SPINK6: variants seen among roughly 807,000 people sequenced by gnomAD.
SPINK6 encodes the protein serine peptidase inhibitor Kazal type 6.
In SPINK6, 13 loss-of-function variants were observed where a neutral mutation model predicts 11.7. That is an observed-to-expected ratio of 1.11 (90% CI 0.72 to 1.76). The LOEUF is 1.76. SPINK6 is among the 40% of genes most tolerant of loss of function. The probability of loss-of-function intolerance (pLI) is 0.00; values close to 1 mark genes in which losing one functional copy is unlikely to be tolerated. For synonymous variants in SPINK6, 21 were observed against 31.9 expected (o/e 0.66, Z 1.15); for missense variants, 98 against 93.7 (o/e 1.05, Z -0.19).
At chr5:148,210,208 T>G (rs1350873844) in intron 2 of SPINK6, among the ~76,000 whole-genome samples, 3 of 107,978 alleles carry the variant, frequency 2.8e-5, no homozygotes, top group Non-Finnish European at 6.6e-5. Context: ...GCATATGTAT[T>G]TCTGCATGCA....
intron 1 of SPINK6, among the ~76,000 whole-genome samples, chr5:148,205,359 G>A: frequency 6.6e-6 from 1 of 152,008 alleles, no homozygotes; most frequent in Non-Finnish European, 1.5e-5. Context: ...TTAAACCACT[G>A]AACTAATTAG....
chr5:148,206,889 A>T (rs1755506079), intron 2 of SPINK6, among the ~76,000 whole-genome samples: 1 of 152,232 alleles, frequency 6.6e-6, no homozygotes, highest in Non-Finnish European at 1.5e-5. Flanking sequence ...ACTACTGCTA[A>T]CTAATTGGAG....
At position 148,209,969 on chromosome 5, in the gene SPINK6, T is replaced by TTACGTATGTATGTATACATACAC. The variant is rs1755550498; in HGVS notation, c.81+3911_81+3912insTACGTATGTATGTATACATACAC. 1.6e-5 allele frequency among the ~76,000 whole-genome samples: 2 copies of TTACGTATGTATGTATACATACAC among 126,610 alleles called. 1 individual carries two copies. Among genetic ancestry groups the TTACGTATGTATGTATACATACAC allele is most frequent in the Non-Finnish European group, 3.5e-5 (2 of 57,576 alleles). 83.1% of individuals were successfully genotyped at this position (126,610 alleles called of 152,430 possible). ...GGTTTCATATATATGTATACATACA[T>TTACGTATGTATGTATACATACAC]ACGTACGTATGTATGTATACATATA... On this transcript the variant is annotated intron_variant, in intron 2 of 3. Transcript: ENST00000325630.
chr5:148,207,736 G>T (rs1755519224), intron 2 of SPINK6, among the ~76,000 whole-genome samples: 1 of 152,132 alleles, frequency 6.6e-6, no homozygotes, highest in Non-Finnish European at 1.5e-5. Flanking sequence ...GGCTGAGGCA[G>T]GAGAATCCCC....
intron 2 of SPINK6, among the ~76,000 whole-genome samples, chr5:148,212,963 G>A (rs145654312): frequency 6.8e-6 from 1 of 147,114 alleles, no homozygotes; most frequent in South Asian, 2.1e-4. Flanking sequence ...ATCCTATATA[G>A]ATTAGTTTAT....
chr5:148,205,356 A>G (rs894934865), intron 1 of SPINK6, among the ~76,000 whole-genome samples: 5 of 152,192 alleles, frequency 3.3e-5, no homozygotes, highest in Non-Finnish European at 7.3e-5. Flanking sequence ...ATTTTAAACC[A>G]CTGAACTAAT....
rs201758098 is a variant in SPINK6, at chr5:148,213,976, T to C, written c.148T>C (p.Ser50Pro). ...CTRESNPHCG[S>P]DGQTYGNKCA... Reference sequence around the variant, plus strand: ...TCGGGAATCTAACCCACACTGTGGCTCTGATGGCCAGACATATGGCAATAA... The same window carrying C: ...TCGGGAATCTAACCCACACTGTGGCCCTGATGGCCAGACATATGGCAATAA... The change falls in exon 3 of 4, where the codon TCT becomes CCT. Residue 50 changes from serine to proline, a missense_variant. By Grantham distance (74) the Ser-to-Pro change is moderately conservative. Transcript: ENST00000325630. 1 of 1,613,908 alleles carries C rather than the reference T, an allele frequency of 6.2e-7. No individual in the cohort carries two copies. The highest frequency in any genetic ancestry group is 8.5e-7 in the Non-Finnish European group (1 of 1,179,798).
rs1755490654 is a variant in SPINK6 at position 148,205,874 on chromosome 5, AAAAG to A, written c.59-159_59-156del. ...TTAAGAAGTGAGCAGATTAAAAAAA[AAAAG>A]AAGAAGAAGAAGAAAACAAAAACAA... On this transcript the variant is annotated intron_variant, in intron 1 of 3. Coordinates refer to ENST00000325630, the MANE Select transcript of SPINK6 (RefSeq NM_205841.4). Among the ~76,000 whole-genome samples, 3 of 152,038 alleles carry A rather than the reference AAAAG, an allele frequency of 2.0e-5. No homozygotes were observed. The South Asian group carries it at 6.2e-4, about 31-fold the overall frequency.
intron 2 of SPINK6, among the ~76,000 whole-genome samples, chr5:148,208,885 A>G (rs1379012814): frequency 6.6e-6 from 1 of 152,172 alleles, no homozygotes; most frequent in Non-Finnish European, 1.5e-5. Flanking sequence ...TAATATTTTT[A>G]TATTTTCCTA....
At chr5:148,204,830 A>G (rs955846128) in intron 1 of SPINK6, among the ~76,000 whole-genome samples, 2 of 152,168 alleles carry the variant, frequency 1.3e-5, no homozygotes, top group Non-Finnish European at 2.9e-5. Flanking sequence ...CGTATGAGAC[A>G]TTAGGCAAAT....
chr5:148,205,669 C>T lies in SPINK6; in HGVS notation c.59-367C>T, dbSNP rs546168463. Among the ~76,000 whole-genome samples, 209 of 152,236 alleles carry T rather than the reference C, an allele frequency of 1.4e-3. 1 individual carries two copies. The Middle Eastern group carries it at 0.02, about 15-fold the overall frequency. On this transcript the variant is annotated intron_variant, in intron 1 of 3. Transcript: ENST00000325630. ...CTTGAAATGTCAAAGGTAGAGGATA[C>T]TTTCCAATTCAACTTCTCCACAGTG... is the stretch of plus-strand genomic sequence containing the variant.
At chr5:148,214,715 T>G (rs369995105) in intron 3 of SPINK6, among the ~76,000 whole-genome samples, 190 bp from the exon 4 acceptor site, 16 of 152,202 alleles carry the variant, frequency 1.1e-4, no homozygotes, top group Admixed American at 7.9e-4. Flanking sequence ...TTGTTTAAGA[T>G]TCATACTTTC....
At chr5:148,213,424 C>T (rs1755640951) in intron 2 of SPINK6, among the ~76,000 whole-genome samples, 2 of 55,944 alleles carry the variant, frequency 3.6e-5, no homozygotes, top group Non-Finnish European at 2.0e-4. Context: ...TGGTCTCCAT[C>T]TCCTGACCTC....
intron 2 of SPINK6, among the ~76,000 whole-genome samples, chr5:148,206,508 A>T (rs1755501457): frequency 6.6e-6 from 1 of 152,236 alleles, no homozygotes; most frequent in Admixed American, 6.5e-5. Flanking sequence ...AAAAATTAAC[A>T]TCCTCTGAAG....
At chr5:148,202,973 T>C (rs1410206440), upstream of SPINK6, 3 of 614,344 alleles carry the variant, frequency 4.9e-6, no homozygotes, top group Admixed American at 3.0e-5. Context: ...GCAGGCCCCA[T>C]TAAATGCATA....
intron 2 of SPINK6, among the ~76,000 whole-genome samples, chr5:148,212,816 G>C (rs1224893959): frequency 7.7e-6 from 1 of 130,646 alleles, no homozygotes; most frequent in African/African-American, 3.0e-5. Flanking sequence ...TAGCAACATA[G>C]CAAGACTATC....
chr5:148,210,192 CTGCATGCAT>C (rs1561732524), intron 2 of SPINK6, among the ~76,000 whole-genome samples: 5 of 140,082 alleles, frequency 3.6e-5, no homozygotes, highest in African/African-American at 1.3e-4. Context: ...ATATGTATTT[CTGCATGCAT>C]ATGTATTTCT....
At chr5:148,203,209 A>T in intron 1 of SPINK6, 55 bp downstream of exon 1, 3 of 1,269,102 alleles carry the variant, frequency 2.4e-6, no homozygotes, top group Non-Finnish European at 3.3e-6. Flanking sequence ...GGATATGATG[A>T]GTAGTTGTTT....
At chr5:148,209,029 T>G (rs1485650863) in intron 2 of SPINK6, among the ~76,000 whole-genome samples, 2 of 152,230 alleles carry the variant, frequency 1.3e-5, no homozygotes, top group Non-Finnish European at 2.9e-5. Flanking sequence ...TTGAAATACT[T>G]AAGTTTATTT....
Sources: gnomAD v4.1 joint callset for allele counts (sites outside exome capture counted in the v4.1 genomes callset) on GRCh38, gnomAD v4.1.1 for gene constraint, MANE v1.5 for transcripts, NCBI Gene and HGNC (gene_info 2026-07-23, HGNC 2026-07-21) for gene names.